Variants in ZP2 observed in about 807,000 individuals in gnomAD.
ZP2 encodes the protein zona pellucida glycoprotein 2.
A neutral mutation model predicts 84.0 loss-of-function variants in ZP2; 51 were observed. The ratio of observed to expected loss-of-function variants is 0.61; its 90% CI spans 0.49 to 0.77. ZP2 has a LOEUF of 0.77. Among genes scored for constraint, ZP2 ranks in the 30% least tolerant of loss-of-function variants. The pLI, the probability that ZP2 is intolerant of heterozygous loss-of-function variation, is 0.00. For missense variants in ZP2, 909 were observed against 911.9 expected, an observed-to-expected ratio of 1.00 and a Z score of 0.04; for synonymous variants, 375 against 330.9, an observed-to-expected ratio of 1.13 and a Z score of -1.45.
intron 4 of ZP2, among the ~76,000 whole-genome samples, 178 bp downstream of exon 4, chr16:21,209,453 G>A (rs1199327992): frequency 6.6e-6 from 1 of 152,178 alleles, no homozygotes; most frequent in East Asian, 1.9e-4. Context: ...ATAGGCGTGA[G>A]CCATCACACC....
Position 21,199,605 on chromosome 16 carries a change from G to T in ZP2, c.1892C>A (p.Ser631Tyr), listed in dbSNP as rs2093215827. The T allele has an allele frequency of 6.2e-7, 1 of 1,613,610 alleles. No individual in the cohort carries two copies. The highest frequency in any genetic ancestry group is 1.1e-5 in the South Asian group (1 of 90,880). The change falls in exon 16 of 19, where the codon TCT (serine) becomes TAT (tyrosine). Residue 631 changes from serine (S) to tyrosine (Y), a missense_variant. Physicochemically the swap from Ser to Tyr is moderately radical, Grantham distance 144. Coordinates refer to ENST00000574091, the MANE Select transcript of ZP2 (RefSeq NM_001376232.1). Reference protein sequence around the residue: ...NRLSPDSPLCSVTCPVSSRHR... With the variant: ...NRLSPDSPLCYVTCPVSSRHR... Reference sequence around the variant, plus strand: ...CCTAGAGGACACAGGGCAGGTCACAGAACACAGTGGGGAGTCAGGGGAGAG... The same window carrying T: ...CCTAGAGGACACAGGGCAGGTCACATAACACAGTGGGGAGTCAGGGGAGAG...
intron 3 of ZP2, 30 bp from the exon 4 acceptor site, chr16:21,209,755 T>G (rs777158424): frequency 6.3e-7 from 1 of 1,598,748 alleles, no homozygotes; most frequent in Middle Eastern, 1.7e-4. Context: ...TTAGACAGGA[T>G]GGCTGAGTAC....
At chr16:21,203,645 T>G in intron 9 of ZP2, 3 of 339,540 alleles carry the variant, frequency 8.8e-6, no homozygotes, top group Non-Finnish European at 1.6e-5. Context: ...CTGGCAGTTC[T>G]AGTGAAGACT....
intron 10 of ZP2, 65 bp downstream of exon 10, chr16:21,203,060 T>C: frequency 1.3e-6 from 2 of 1,568,476 alleles, no homozygotes; most frequent in Non-Finnish European, 1.7e-6. Context: ...TCTATACATT[T>C]GCCCACATGT....
intron 4 of ZP2, among the ~76,000 whole-genome samples, chr16:21,208,454 C>T (rs555936811): frequency 2.6e-5 from 4 of 152,280 alleles, no homozygotes; most frequent in Admixed American, 2.6e-4. Context: ...TGTATCTGTA[C>T]AAAGCTTAGA....
intron 17 of ZP2, 132 bp downstream of exon 17, chr16:21,198,647 G>T: frequency 1.4e-6 from 1 of 701,042 alleles, no homozygotes. Flanking sequence ...CTACTTCTGG[G>T]AAGAGACTTA....
chr16:21,207,633 TAAACAC>T (rs936725368), intron 4 of ZP2, among the ~76,000 whole-genome samples: 2 of 110,906 alleles, frequency 1.8e-5, no homozygotes, highest in Non-Finnish European at 3.7e-5. Flanking sequence ...ATATATATAT[TAAACAC>T]ACACACACAC....
chr16:21,210,001 G>A, intron 3 of ZP2, 108 bp downstream of exon 3: 1 of 986,356 alleles, frequency 1.0e-6, no homozygotes. Context: ...ATGGGAGTTG[G>A]ATGCCGTTGC....
upstream of ZP2, among the ~76,000 whole-genome samples, chr16:21,213,399 C>G (rs1360482994): frequency 6.6e-6 from 1 of 152,194 alleles, no homozygotes; most frequent in African/African-American, 2.4e-5. Flanking sequence ...TCATCCTAAA[C>G]TGTATTGATT....
chr16:21,208,892 C>A (rs1376720415), intron 4 of ZP2, among the ~76,000 whole-genome samples: 8 of 152,178 alleles, frequency 5.3e-5, no homozygotes, highest in Non-Finnish European at 8.8e-5. Context: ...TTCTAATGGG[C>A]AAACAGGCTT....
rs1355738941 is a variant in ZP2 at position 21,199,895 on chromosome 16, A to C, written c.1695-17T>G. On this transcript the variant is annotated splice_polypyrimidine_tract_variant and intron_variant, in intron 14 of 18. Transcript: ENST00000574091. ...TATGCACAGCTAGGAGGTATGCACC[A>C]GGGAGGGATGTCAGTCATATGCATC... 1.9e-6 allele frequency: 3 copies of C among 1,611,864 alleles called. No homozygotes were observed. The highest frequency in any genetic ancestry group is 2.5e-6 in the Non-Finnish European group (3 of 1,179,860).
chr16:21,202,170 A>G lies in ZP2; in HGVS notation c.1221T>C (p.Phe407=). 1 of 1,602,442 alleles carries G rather than the reference A, an allele frequency of 6.2e-7. No homozygotes were observed. The highest frequency in any genetic ancestry group is 1.3e-5 in the African/African-American group (1 of 74,102). The change falls in exon 11 of 19, where the codon TTT becomes TTC. Residue 407 remains phenylalanine, a synonymous_variant. Transcript: ENST00000574091. ...RVGNSSCQPV[F]EAQSQGLVRF... ...GTACCAGCCCCTGAGACTGAGCCTC[A>G]AAGACAGGCTGGCAGGATGAGTTTC...
At chr16:21,202,378 A>G in intron 10 of ZP2, 87 bp from the exon 11 acceptor site, 1 of 1,232,296 alleles carries the variant, frequency 8.1e-7, no homozygotes, top group Admixed American at 3.1e-5. Flanking sequence ...CGAGGGAGAA[A>G]TTCTAATTTA....
chr16:21,198,407 A>G lies in ZP2; in HGVS notation c.2011+372T>C, dbSNP rs548036910. Among the ~76,000 whole-genome samples the G allele has an allele frequency of 9.9e-5, 15 of 152,254 alleles. No individual in the cohort carries two copies. The East Asian group carries it at 2.7e-3, about 28-fold the overall frequency. ...CAAAACTTTATCTCAAAAAGAAAAA[A>G]AGAAGGATTCTAGTATGGACTGAGG... On this transcript the variant is annotated intron_variant, in intron 17 of 18. Transcript: ENST00000574091.
In ZP2 at chr16:21,202,015, A is replaced by C; in HGVS notation, c.1296T>G (p.Asp432Glu). The C allele has an allele frequency of 6.2e-7, 1 of 1,614,068 alleles. No homozygotes were observed. ...NGCGTRYKFEDDKVVYENEIH... is the reference protein window; with the variant it reads ...NGCGTRYKFEEDKVVYENEIH... ...TTTCGTTTTCATAGACGACTTTATC[A>C]TCTTCGAACTTAAATGTCAGAGAAA... Residue 432 changes from aspartate (D) to glutamate (E), a missense_variant, in exon 12 of 19, where the codon GAT (aspartate) becomes GAG (glutamate). Coordinates refer to ENST00000574091, the MANE Select transcript of ZP2 (RefSeq NM_001376232.1).
At chr16:21,206,753 T>C in intron 5 of ZP2, 85 bp downstream of exon 5, 1 of 1,550,820 alleles carries the variant, frequency 6.4e-7, no homozygotes, top group Admixed American at 1.7e-5. Context: ...CATGGTCTGA[T>C]TTCTAAGCCC....
chr16:21,210,570 T>TTTTA (rs149063614), intron 2 of ZP2, among the ~76,000 whole-genome samples: 50 of 152,008 alleles, frequency 3.3e-4, no homozygotes, highest in Middle Eastern at 3.4e-3. Context: ...GTCCCAGGAC[T>TTTTA]TTTATTTATT....
At position 21,211,367 on chromosome 16, in the gene ZP2, CGAA is replaced by C. The variant is rs749002495; in HGVS notation, c.88_90del (p.Phe30del). 6 of 1,613,980 alleles carry C rather than the reference CGAA, an allele frequency of 3.7e-6. 1 individual carries two copies. In the South Asian group the frequency reaches 4.4e-5, roughly 12 times the overall value. On this transcript the variant is annotated inframe_deletion, in exon 2 of 19. Coordinates refer to ENST00000574091, the MANE Select transcript of ZP2 (RefSeq NM_001376232.1). Reference sequence around the variant, plus strand: ...ATGGAGTTCCCTGAAGTCACAAGGGCGAAGAAGAGAGAAATCGACCTGTAGGTG... The same window carrying C: ...ATGGAGTTCCCTGAAGTCACAAGGGCGAAGAGAGAAATCGACCTGTAGGTG...
chr16:21,202,251 G>A lies in ZP2; in HGVS notation c.1140C>T (p.Val380=), dbSNP rs148788115. 1.1e-4 allele frequency: 166 copies of A among 1,554,880 alleles called. No homozygotes were observed. The highest frequency in any genetic ancestry group is 5.9e-4 in the East Asian group (26 of 44,380). Residue 380 remains valine (V), a synonymous_variant, in exon 11 of 19, where the codon GTC becomes GTT. Transcript: ENST00000574091. ...GTTGTGTTTGGTAGCTGTAGACCTC[G>A]ACGTCCATAAACCCATCCTGGGTGC... The part of the protein sequence containing the change: ...ELCTQDGFMD[V]EVYSYQTQPA...
Sources: gnomAD v4.1 joint callset for allele counts (sites outside exome capture counted in the v4.1 genomes callset) on GRCh38, gnomAD v4.1.1 for gene constraint, MANE v1.5 for transcripts, NCBI Gene and HGNC (gene_info 2026-07-23, HGNC 2026-07-21) for gene names.